FRK: variants seen among roughly 807,000 people sequenced by gnomAD.
The protein encoded by FRK is fyn related Src family tyrosine kinase, also known as tyrosine-protein kinase FRK.
In FRK, 51 loss-of-function variants were observed where a neutral mutation model predicts 56.4. The ratio of observed to expected loss-of-function variants is 0.90; its 90% CI spans 0.72 to 1.14. FRK has a LOEUF of 1.14. FRK is among the 50% of genes most tolerant of loss of function. FRK has a pLI of 0.00. For missense variants in FRK, 570 were observed against 601.4 expected (o/e 0.95, Z 0.55); for synonymous variants, 245 against 217.9 (o/e 1.12, Z -1.10).
the FRK span, among the ~76,000 whole-genome samples, chr6:116,077,540 T>C: frequency 1.3e-5 from 2 of 152,224 alleles, no homozygotes; most frequent in African/African-American, 4.8e-5. Context: ...GTGATCTTTC[T>C]CTAAAATATG....
intron 1 of FRK, among the ~76,000 whole-genome samples, chr6:116,032,148 T>A (rs1204937265): frequency 6.6e-6 from 1 of 152,006 alleles, no homozygotes; most frequent in Non-Finnish European, 1.5e-5. Flanking sequence ...ATGGAGCACA[T>A]GGAAGACAAT....
intron 2 of FRK, 125 bp from the exon 3 acceptor site, chr6:115,968,864 T>G (rs537447619): frequency 2.5e-6 from 2 of 800,402 alleles, no homozygotes; most frequent in Non-Finnish European, 3.8e-6. Flanking sequence ...TTTCTCAACT[T>G]TGTCTCAGAA....
At chr6:116,027,784 C>A (rs547798186) in intron 1 of FRK, among the ~76,000 whole-genome samples, 1 of 150,534 alleles carries the variant, frequency 6.6e-6, no homozygotes, top group Non-Finnish European at 1.5e-5. Flanking sequence ...TTAGAAAAAT[C>A]ATTATAAAAG....
Position 115,967,642 on chromosome 6 carries a change from A to C in FRK, c.708T>G (p.Leu236=). The C allele has an allele frequency of 6.2e-7, 1 of 1,613,798 alleles. No individual in the cohort carries two copies. The highest frequency in any genetic ancestry group is 8.5e-7 in the Non-Finnish European group (1 of 1,179,794). ...ACTGACCAGATCCCAATCGCTTCAGAAGCTGTATGGAGTTGCGGTCTATCT... is the reference window on the plus strand; with the variant it reads ...ACTGACCAGATCCCAATCGCTTCAGCAGCTGTATGGAGTTGCGGTCTATCT... The part of the protein sequence containing the change: ...QWEIDRNSIQ[L]LKRLGSGQFG... Residue 236 remains leucine (L), a synonymous_variant, in exon 4 of 8, where the codon CTT becomes CTG. Coordinates refer to ENST00000606080, the MANE Select transcript of FRK (RefSeq NM_002031.3).
At chr6:116,040,957 A>G (rs1262090777) in intron 1 of FRK, among the ~76,000 whole-genome samples, 1 of 152,170 alleles carries the variant, frequency 6.6e-6, no homozygotes, top group Non-Finnish European at 1.5e-5. Context: ...TCATGCTTTA[A>G]AAGATGGTAG....
chr6:116,018,046 T>C (rs567134189), intron 1 of FRK, among the ~76,000 whole-genome samples: 67 of 152,334 alleles, frequency 4.4e-4, no homozygotes, highest in Middle Eastern at 3.4e-3. Flanking sequence ...TGAAATTTAA[T>C]GTCCTTTCTG....
At chr6:116,092,588 C>T in the FRK span, among the ~76,000 whole-genome samples, 20 of 152,260 alleles carry the variant, frequency 1.3e-4, no homozygotes, top group East Asian at 3.9e-3. Flanking sequence ...TCCGACCTTC[C>T]TCGGTCCTCC....
intron 5 of FRK, among the ~76,000 whole-genome samples, chr6:115,949,341 A>G (rs1367211593): frequency 1.3e-5 from 2 of 152,136 alleles, no homozygotes; most frequent in Admixed American, 1.3e-4. Context: ...GTGGTGAGAG[A>G]GGGCATCCTT....
chr6:116,019,954 T>A (rs1775803757), intron 1 of FRK, among the ~76,000 whole-genome samples: 1 of 152,136 alleles, frequency 6.6e-6, no homozygotes, highest in Admixed American at 6.6e-5. Context: ...TGCATAAGGA[T>A]TAAAATTTGA....
At chr6:116,081,662 T>A in the FRK span, among the ~76,000 whole-genome samples, 12 of 148,808 alleles carry the variant, frequency 8.1e-5, no homozygotes, top group East Asian at 2.0e-4. Flanking sequence ...CATATAAAAA[T>A]ATATATATAT....
At chr6:115,999,727 A>G (rs1021443975) in intron 2 of FRK, among the ~76,000 whole-genome samples, 13 of 152,244 alleles carry the variant, frequency 8.5e-5, no homozygotes, top group Non-Finnish European at 1.6e-4. Flanking sequence ...CTAGAGTGGT[A>G]TATCTGAAGA....
At chr6:116,008,262 A>T (rs1775327377) in intron 1 of FRK, among the ~76,000 whole-genome samples, 1 of 152,152 alleles carries the variant, frequency 6.6e-6, no homozygotes, top group African/African-American at 2.4e-5. Flanking sequence ...CCTATAGCAA[A>T]TTTTTTTAAT....
intron 1 of FRK, among the ~76,000 whole-genome samples, chr6:116,033,120 G>A (rs1776355873): frequency 6.6e-6 from 1 of 152,014 alleles, no homozygotes; most frequent in South Asian, 2.1e-4. Context: ...GTGTTCTCCA[G>A]ACTCTATGAT....
At chr6:116,006,167 G>A (rs779292182) in intron 1 of FRK, among the ~76,000 whole-genome samples, 17 of 152,108 alleles carry the variant, frequency 1.1e-4, no homozygotes, top group Non-Finnish European at 2.2e-4. Context: ...ACCTATAATC[G>A]ATAAGAGAAA....
the FRK span, among the ~76,000 whole-genome samples, chr6:116,095,198 G>A: frequency 6.6e-6 from 1 of 152,210 alleles, no homozygotes; most frequent in African/African-American, 2.4e-5. Context: ...CTTCAAGACA[G>A]GACAATAGAT....
rs1052347636 is a variant in FRK at position 115,931,501 on chromosome 6, A to G, written c.*10913T>C. 1 of 152,216 alleles carries G rather than the reference A, an allele frequency of 6.6e-6. No homozygotes were observed. The highest frequency in any genetic ancestry group is 2.4e-5 in the African/African-American group (1 of 41,476). 9.4% of individuals were successfully genotyped at this position (152,216 alleles called of 1,614,324 possible). ...TATGTGTCACATGTAACTGTACAAT[A>G]TAAATATTAAAGAATACAATATAAA... On this transcript the variant is annotated 3_prime_UTR_variant, in exon 8 of 8. Transcript: ENST00000606080.
the FRK span, among the ~76,000 whole-genome samples, chr6:116,084,728 G>T: frequency 6.6e-6 from 1 of 152,184 alleles, no homozygotes; most frequent in Non-Finnish European, 1.5e-5. Flanking sequence ...GTGTTGCAAA[G>T]TTGTATTGTA....
At position 116,039,161 on chromosome 6, in the gene FRK, G is replaced by A. The variant is rs1203806647; in HGVS notation, c.344+20807C>T. 2.9e-6 allele frequency: 3 copies of A among 1,051,250 alleles called. No homozygotes were observed. In the African/African-American group the frequency reaches 4.7e-5, roughly 16 times the overall value. The allele number at this position is 1,051,250 out of a possible 1,614,324, so 65.1% of individuals were successfully genotyped here. A position where few individuals can be genotyped will look rare whatever the true frequency, so the allele number is the denominator to read the frequency against. On this transcript the variant is annotated intron_variant, in intron 1 of 7. Coordinates refer to ENST00000606080, the MANE Select transcript of FRK (RefSeq NM_002031.3). ...GGAGAAGCTAGCTGAAAGGGAAGTG[G>A]CATCACTGAGAAGTTTGTTTTCGAG... is the stretch of plus-strand genomic sequence containing the variant.
intron 2 of FRK, among the ~76,000 whole-genome samples, chr6:115,991,441 T>G (rs757679253): frequency 6.6e-5 from 10 of 151,984 alleles, no homozygotes; most frequent in Non-Finnish European, 1.3e-4. Flanking sequence ...TTGAGTTATG[T>G]TCCTTTGATG....
Sources: allele counts gnomAD v4.1 joint callset (sites outside exome capture counted in the v4.1 genomes callset), GRCh38; gene constraint gnomAD v4.1.1; transcripts MANE v1.5; gene names NCBI Gene and HGNC (gene_info 2026-07-23, HGNC 2026-07-21).